The following CDK17 variants were observed in gnomAD, a reference collection of about 807,000 sequenced individuals.
CDK17 encodes cyclin-dependent kinase 17.
In CDK17, 24 loss-of-function variants were observed where a neutral mutation model predicts 77.6. The ratio of observed to expected loss-of-function variants is 0.31; its 90% CI spans 0.22 to 0.44. The LOEUF (loss-of-function observed/expected upper bound fraction) is 0.44. Among genes scored for constraint, CDK17 ranks in the 20% least tolerant of loss-of-function variants. The probability of loss-of-function intolerance (pLI) is 1.00; values close to 1 mark genes in which losing one functional copy is unlikely to be tolerated. For synonymous variants in CDK17, 203 were observed against 210.4 expected (o/e 0.96, Z 0.30); for missense variants, 429 against 622.5 (o/e 0.69, Z 3.31).
In CDK17 at chr12:96,304,941, T is replaced by C. The variant is rs190718086; in HGVS notation, c.544-4581A>G. ...CAGGAATGAAGAATCCAAACATTCATTGTTTAGGAAGGCATATGCTCTTAA... is the reference window on the plus strand; with the variant it reads ...CAGGAATGAAGAATCCAAACATTCACTGTTTAGGAAGGCATATGCTCTTAA... On this transcript the variant is annotated intron_variant, in intron 5 of 16. Transcript: ENST00000261211. Among the ~76,000 whole-genome samples the C allele has an allele frequency of 4.3e-4, 65 of 152,362 alleles. 1 individual carries two copies. Among genetic ancestry groups the C allele is most frequent in the Admixed American group, 3.5e-3 (54 of 15,308 alleles).
At position 96,297,731 on chromosome 12, in the gene CDK17, A is replaced by G. The variant is rs771511265; in HGVS notation, c.716-10T>C. 2.8e-6 allele frequency: 4 copies of G among 1,421,354 alleles called. No individual in the cohort carries two copies. The highest frequency in any genetic ancestry group is 3.9e-6 in the Non-Finnish European group (4 of 1,014,466). 88.0% of individuals were successfully genotyped at this position (1,421,354 alleles called of 1,614,324 possible). On this transcript the variant is annotated splice_polypyrimidine_tract_variant and intron_variant, in intron 7 of 16. Transcript: ENST00000261211. ...TCCTTTAATAGTGAAACTGCAAAACAGAAAAAGAAAATTGTTTAGTCTGTG... is the reference window on the plus strand; with the variant it reads ...TCCTTTAATAGTGAAACTGCAAAACGGAAAAAGAAAATTGTTTAGTCTGTG...
chr12:96,324,170 T>C lies in CDK17; in HGVS notation c.119-58A>G, dbSNP rs1431311829. The C allele has an allele frequency of 1.5e-5, 21 of 1,387,898 alleles. No individual in the cohort carries two copies. The East Asian group carries it at 1.9e-4, about 13-fold the overall frequency. The allele number at this position is 1,387,898 out of a possible 1,614,324, so 86.0% of individuals were successfully genotyped here. On this transcript the variant is annotated intron_variant, in intron 2 of 16. Coordinates refer to ENST00000261211, the MANE Select transcript of CDK17 (RefSeq NM_002595.5). ...CATCAGTCCAAGATCCAGGATCACATGAGAAGGATTCAGAAAGCAAAACAA... is the reference window on the plus strand; with the variant it reads ...CATCAGTCCAAGATCCAGGATCACACGAGAAGGATTCAGAAAGCAAAACAA...
chr12:96,399,241 A>C (rs886850051), intron 1 of CDK17: 2 of 152,388 alleles, frequency 1.3e-5, no homozygotes, highest in African/African-American at 4.8e-5. Context: ...CATCGGGCAC[A>C]AAAATGCTGA....
intron 5 of CDK17, among the ~76,000 whole-genome samples, chr12:96,306,428 T>TA (rs1555200583): frequency 6.6e-6 from 1 of 150,542 alleles, no homozygotes; most frequent in Non-Finnish European, 1.5e-5. Context: ...AAAAAAAAAA[T>TA]TATATATATA....
intron 1 of CDK17, among the ~76,000 whole-genome samples, chr12:96,367,344 C>CAAAAA (rs56689330): frequency 4.7e-5 from 3 of 63,484 alleles, no homozygotes; most frequent in Non-Finnish European, 8.1e-5. Context: ...GACTCCACCT[C>CAAAAA]AAAAAAAAAA....
At chr12:96,351,315 T>C (rs1953308830) in intron 1 of CDK17, among the ~76,000 whole-genome samples, 1 of 44,004 alleles carries the variant, frequency 2.3e-5, no homozygotes, top group African/African-American at 7.9e-5. Flanking sequence ...CCTAGGGATA[T>C]ACCAAAAAAA....
chr12:96,311,239 C>G lies in CDK17; in HGVS notation c.418-62G>C, dbSNP rs567983660. The G allele has an allele frequency of 4.6e-6, 6 of 1,307,970 alleles. No homozygotes were observed. In the South Asian group the frequency reaches 9.4e-5, roughly 21 times the overall value. 81.0% of individuals were successfully genotyped at this position (1,307,970 alleles called of 1,614,324 possible). On this transcript the variant is annotated intron_variant, in intron 4 of 16. Transcript: ENST00000261211. Reference sequence around the variant, plus strand: ...GCAAGGCATTTGGCTTTTGTATTCACAGGCTCTAACATATTATTTCTTAGT... The same window carrying G: ...GCAAGGCATTTGGCTTTTGTATTCAGAGGCTCTAACATATTATTTCTTAGT...
At chr12:96,293,852 C>T (rs369605445) in intron 10 of CDK17, among the ~76,000 whole-genome samples, 4 of 152,150 alleles carry the variant, frequency 2.6e-5, no homozygotes, top group East Asian at 1.9e-4. Flanking sequence ...TATTGAAAAG[C>T]CATCAAACTC....
intron 3 of CDK17, among the ~76,000 whole-genome samples, chr12:96,314,197 C>G (rs1441712534): frequency 6.6e-6 from 1 of 151,908 alleles, no homozygotes; most frequent in Non-Finnish European, 1.5e-5. Flanking sequence ...TAAAAACAGA[C>G]ATATACTGTT....
chr12:96,333,671 C>CAAA (rs58025242), intron 2 of CDK17, among the ~76,000 whole-genome samples: 38 of 111,578 alleles, frequency 3.4e-4, no homozygotes, highest in African/African-American at 7.2e-4. Context: ...GAGACTGTCT[C>CAAA]AAAAAAAAAA....
intron 1 of CDK17, among the ~76,000 whole-genome samples, chr12:96,383,985 G>A (rs146455915): frequency 2.1e-4 from 32 of 152,096 alleles, no homozygotes; most frequent in African/African-American, 6.5e-4. Context: ...CTTCAGAATG[G>A]GAGAAAAGAT....
At chr12:96,338,714 GTTA>G (rs1183953748) in intron 1 of CDK17, among the ~76,000 whole-genome samples, 8 of 151,440 alleles carry the variant, frequency 5.3e-5, no homozygotes, top group Admixed American at 2.0e-4. Flanking sequence ...TAATATAATA[GTTA>G]TTAACTTTTT....
chr12:96,362,560 A>G (rs961636121), intron 1 of CDK17, among the ~76,000 whole-genome samples: 8 of 152,132 alleles, frequency 5.3e-5, no homozygotes, highest in African/African-American at 7.2e-5. Context: ...GAAAATAACT[A>G]TATTAGAGGA....
intron 1 of CDK17, among the ~76,000 whole-genome samples, chr12:96,355,561 T>C (rs568105884): frequency 1.3e-5 from 2 of 151,996 alleles, no homozygotes; most frequent in African/African-American, 2.4e-5. Context: ...CGCGCTACCA[T>C]GTCCACCTAA....
Position 96,400,054 on chromosome 12 carries a change from A to T in CDK17, c.-98T>A, listed in dbSNP as rs911964366. On this transcript the variant is annotated 5_prime_UTR_variant, in exon 1 of 17. Transcript: ENST00000261211. Reference sequence around the variant, plus strand: ...GGCGCGGGGGGAAGCTGCTCCGCGGACGCCCGCGGCGACCGGATGCAAGTC... The same window carrying T: ...GGCGCGGGGGGAAGCTGCTCCGCGGTCGCCCGCGGCGACCGGATGCAAGTC... 20 of 387,582 alleles carry T rather than the reference A, an allele frequency of 5.2e-5. No homozygotes were observed. The highest frequency in any genetic ancestry group is 8.2e-5 in the Non-Finnish European group (18 of 219,394). The allele number at this position is 387,582 out of a possible 1,614,324, so 24.0% of individuals were successfully genotyped here.
At position 96,399,612 on chromosome 12, in the gene CDK17, G is replaced by A. The variant is rs7136208; in HGVS notation, c.-30+374C>T. Among the ~76,000 whole-genome samples, 847 of 152,012 alleles carry A rather than the reference G, an allele frequency of 5.6e-3. 6 individuals are homozygous for A. The highest frequency in any genetic ancestry group is 0.02 in the African/African-American group (818 of 41,472). On this transcript the variant is annotated intron_variant, in intron 1 of 16. Coordinates refer to ENST00000261211, the MANE Select transcript of CDK17 (RefSeq NM_002595.5). ...CGCCGAGGGGACCTTTGTGTCTCGG[G>A]GGACTTTCTGCCTCTTTCCCCTCCT...
intron 5 of CDK17, among the ~76,000 whole-genome samples, chr12:96,310,089 T>C (rs1210779704): frequency 6.6e-6 from 1 of 152,028 alleles, no homozygotes; most frequent in Non-Finnish European, 1.5e-5. Flanking sequence ...TGCCCATCGA[T>C]AGGAGAATGG....
At chr12:96,348,532 A>G (rs1253782447) in intron 1 of CDK17, among the ~76,000 whole-genome samples, 8 of 151,266 alleles carry the variant, frequency 5.3e-5, no homozygotes, top group South Asian at 4.2e-4. Flanking sequence ...TCAAAAAAAA[A>G]AAAAAAAAAA....
intron 1 of CDK17, chr12:96,335,164 C>A (rs2137144131): frequency 2.4e-6 from 1 of 422,156 alleles, no homozygotes; most frequent in East Asian, 6.6e-5. Context: ...TTTTAAAAAC[C>A]ATTATAGTAA....
Sources: gnomAD v4.1 joint callset for allele counts (sites outside exome capture counted in the v4.1 genomes callset) on GRCh38, gnomAD v4.1.1 for gene constraint, MANE v1.5 for transcripts, NCBI Gene and HGNC (gene_info 2026-07-23, HGNC 2026-07-21) for gene names.